The following LRRC74B variants were observed in gnomAD, a reference collection of about 807,000 sequenced individuals.
LRRC74B encodes the protein leucine-rich repeat-containing protein 74B.
Under a neutral mutation model 16.6 loss-of-function variants are expected in LRRC74B, and 30 were observed. The observed-to-expected ratio is 1.80, with a 90% CI of 1.35 to 2.45. LRRC74B has a LOEUF of 2.45. Among genes scored for constraint, LRRC74B ranks in the 30% most tolerant of loss-of-function variants. The probability of loss-of-function intolerance (pLI) is 0.00; values close to 1 mark genes in which losing one functional copy is unlikely to be tolerated. For synonymous variants in LRRC74B, 134 were observed against 86.0 expected (o/e 1.56, Z -3.09); for missense variants, 326 against 202.4 (o/e 1.61, Z -3.71).
chr22:21,050,013 A>G (rs984340927), intron 4 of LRRC74B, among the ~76,000 whole-genome samples: 1 of 152,090 alleles, frequency 6.6e-6, no homozygotes, highest in Non-Finnish European at 1.5e-5. Flanking sequence ...CTGTATTTTA[A>G]TGGTTGCCCC....
chr22:21,057,477 C>G (rs1440933136), intron 8 of LRRC74B, among the ~76,000 whole-genome samples: 1 of 151,318 alleles, frequency 6.6e-6, no homozygotes, highest in Non-Finnish European at 1.5e-5. Context: ...ATGATGCTCC[C>G]TATCCACTGA....
chr22:21,054,308 G>C (rs6005409), intron 6 of LRRC74B, among the ~76,000 whole-genome samples: 1 of 152,250 alleles, frequency 6.6e-6, no homozygotes, highest in Non-Finnish European at 1.5e-5. Context: ...CCTAGTCTGG[G>C]TGGGGCAAGG....
intron 7 of LRRC74B, chr22:21,056,765 C>T: frequency 4.2e-6 from 1 of 238,638 alleles, no homozygotes; most frequent in South Asian, 9.2e-5. Context: ...CCAGCCTTTC[C>T]CTCCCAGGGG....
chr22:21,050,237 G>A (rs1354932611), intron 4 of LRRC74B, among the ~76,000 whole-genome samples: 11 of 152,008 alleles, frequency 7.2e-5, no homozygotes, highest in South Asian at 2.1e-4. Flanking sequence ...GGGTTTCACC[G>A]TGTTGGTCAG....
intron 7 of LRRC74B, chr22:21,056,520 A>C (rs1418157589): frequency 6.7e-6 from 1 of 150,234 alleles, no homozygotes; most frequent in Non-Finnish European, 1.5e-5. Context: ...AAAAAAAGTA[A>C]CATAGCATGT....
chr22:21,049,879 C>A (rs751657033), intron 4 of LRRC74B, among the ~76,000 whole-genome samples: 10 of 152,072 alleles, frequency 6.6e-5, no homozygotes, highest in Non-Finnish European at 1.2e-4. Context: ...CAGGAATTTG[C>A]ACTTCTACCT....
chr22:21,046,076 G>A, exon 1 of LRRC74B: 1 of 717,430 alleles, frequency 1.4e-6, no homozygotes. Flanking sequence ...GGGTCCCCGA[G>A]GCCGAGCAGG....
chr22:21,062,931 T>C (rs446608), downstream of LRRC74B: 109,386 of 151,042 alleles, frequency 0.72, 40,326 homozygotes, highest in Admixed American at 0.79. Context: ...CCTGGGATGC[T>C]GAGGTGGGAG....
downstream of LRRC74B, chr22:21,064,060 C>G (rs569590711): frequency 1.3e-5 from 2 of 153,036 alleles, no homozygotes; most frequent in African/African-American, 4.8e-5. Flanking sequence ...TAACATATTT[C>G]TTATCCATGC....
At chr22:21,050,943 A>C (rs1417499722) in intron 4 of LRRC74B, among the ~76,000 whole-genome samples, 2 of 150,634 alleles carry the variant, frequency 1.3e-5, no homozygotes, top group Non-Finnish European at 3.0e-5. Flanking sequence ...AAATGATTAA[A>C]AAAATTAGCC....
chr22:21,053,583 A>G lies in LRRC74B; in HGVS notation c.848+108A>G, dbSNP rs1930244207. The G allele has an allele frequency of 1.1e-5, 7 of 633,816 alleles. No homozygotes were observed. In the South Asian group the frequency reaches 1.3e-4, roughly 12 times the overall value. The allele number at this position is 633,816 out of a possible 1,614,324, so 39.3% of individuals were successfully genotyped here. On this transcript the variant is annotated intron_variant, in intron 6 of 8. Transcript: ENST00000442047. The stretch of plus-strand genomic sequence containing the variant: ...ATTCCCGTGATGGGGCTTGAGCCAC[A>G]ATCCCAGAGCAGCTCTGTCATCCTT...
intron 3 of LRRC74B, 81 bp downstream of exon 3, chr22:21,048,097 C>T (rs567511473): frequency 8.7e-5 from 61 of 704,574 alleles, no homozygotes; most frequent in South Asian, 3.6e-4. Context: ...AAAGCTGGGC[C>T]GTGTCACCTG....
chr22:21,056,596 G>GCACA (rs747195504), intron 7 of LRRC74B: 5,755 of 140,160 alleles, frequency 0.041, 148 homozygotes, highest in Middle Eastern at 0.06. Context: ...CAAGCTTGGA[G>GCACA]CACACACACA....
chr22:21,055,055 T>G (rs1930386712), intron 6 of LRRC74B, 43 bp from the exon 7 acceptor site: 1 of 713,498 alleles, frequency 1.4e-6, no homozygotes, highest in Non-Finnish European at 2.6e-6. Flanking sequence ...GCACCGCTGC[T>G]TGGAAGGTTG....
chr22:21,047,219 G>C (rs1276601635), intron 1 of LRRC74B, 137 bp from the exon 2 acceptor site: 4 of 598,176 alleles, frequency 6.7e-6, no homozygotes, highest in Non-Finnish European at 1.2e-5. Context: ...CTGTCATATG[G>C]GAGCAGTGGT....
At chr22:21,061,557 GA>G (rs1388366079), downstream of LRRC74B, among the ~76,000 whole-genome samples, 2 of 152,204 alleles carry the variant, frequency 1.3e-5, no homozygotes, top group African/African-American at 4.8e-5. Context: ...CAGCCATTCA[GA>G]GGCTGAGGTA....
chr22:21,060,071 C>G (rs1930733986), intron 8 of LRRC74B, among the ~76,000 whole-genome samples: 1 of 152,014 alleles, frequency 6.6e-6, no homozygotes, highest in Non-Finnish European at 1.5e-5. Context: ...GAGGCTTAAG[C>G]AAGAGGATAG....
chr22:21,055,033 G>A, intron 6 of LRRC74B, 65 bp from the exon 7 acceptor site: 1 of 702,790 alleles, frequency 1.4e-6, no homozygotes, highest in East Asian at 2.7e-5. Context: ...GCACCCTGGG[G>A]CAGTGGGCTC....
At chr22:21,052,173 A>G in intron 4 of LRRC74B, 76 bp from the exon 5 acceptor site, 1 of 704,332 alleles carries the variant, frequency 1.4e-6, no homozygotes, top group Non-Finnish European at 2.7e-6. Context: ...GAGGCTCGGC[A>G]CGCAGTGGGC....
Sources: gnomAD v4.1 joint callset for allele counts (sites outside exome capture counted in the v4.1 genomes callset) on GRCh38, gnomAD v4.1.1 for gene constraint, MANE v1.5 for transcripts, NCBI Gene and HGNC (gene_info 2026-07-23, HGNC 2026-07-21) for gene names.